Variants in ADGRL3 observed in about 807,000 individuals in gnomAD.
The protein encoded by ADGRL3 is adhesion G protein-coupled receptor L3.
A neutral mutation model predicts 153.5 loss-of-function variants in ADGRL3; 62 were observed. That is an observed-to-expected ratio of 0.40 (90% CI 0.33 to 0.50). ADGRL3 has a LOEUF of 0.50. ADGRL3 is among the 20% of genes least tolerant of loss of function. The probability of loss-of-function intolerance (pLI) is 0.47; values close to 1 mark genes in which losing one functional copy is unlikely to be tolerated. For missense variants in ADGRL3, 1,641 were observed against 1,859.4 expected, an observed-to-expected ratio of 0.88 and a Z score of 2.16; for synonymous variants, 710 against 672.5, an observed-to-expected ratio of 1.06 and a Z score of -0.86.
At chr4:61,871,579 A>T (rs2098445856) in intron 9 of ADGRL3, among the ~76,000 whole-genome samples, 1 of 152,180 alleles carries the variant, frequency 6.6e-6, no homozygotes, top group Non-Finnish European at 1.5e-5. Flanking sequence ...ATCCATAAAG[A>T]TAGAAAGTAG....
At chr4:61,813,696 A>T in intron 8 of ADGRL3, 113 bp from the exon 9 acceptor site, 3 of 1,258,510 alleles carry the variant, frequency 2.4e-6, no homozygotes, top group Non-Finnish European at 3.3e-6. Context: ...CTACTCTTTA[A>T]TTTAGGCTAT....
intron 5 of ADGRL3, among the ~76,000 whole-genome samples, chr4:61,641,819 G>A (rs2093689836): frequency 6.7e-6 from 1 of 149,364 alleles, no homozygotes; most frequent in East Asian, 2.0e-4. Flanking sequence ...GGATGGCTGG[G>A]ACAAATGGTA....
At chr4:61,506,106 C>T (rs2098426513) in intron 3 of ADGRL3, among the ~76,000 whole-genome samples, 2 of 152,028 alleles carry the variant, frequency 1.3e-5, no homozygotes, top group South Asian at 4.2e-4. Context: ...AGTTCTATTA[C>T]TTCCAAGATA....
intron 25 of ADGRL3, among the ~76,000 whole-genome samples, chr4:62,055,463 G>A (rs1208687004): frequency 1.3e-5 from 2 of 151,736 alleles, no homozygotes; most frequent in Middle Eastern, 3.2e-3. Flanking sequence ...GCTATTAAAA[G>A]TGCACAGTGT....
chr4:61,973,577 C>T (rs572656665), intron 17 of ADGRL3, among the ~76,000 whole-genome samples: 2 of 152,180 alleles, frequency 1.3e-5, no homozygotes, highest in South Asian at 4.1e-4. Context: ...TAGATTCATT[C>T]AATTTTCTGA....
At chr4:61,619,352 A>G (rs2092322850) in intron 5 of ADGRL3, among the ~76,000 whole-genome samples, 1 of 151,986 alleles carries the variant, frequency 6.6e-6, no homozygotes, top group Non-Finnish European at 1.5e-5. Flanking sequence ...TCTAGTTTTA[A>G]TTTATCAACT....
intron 9 of ADGRL3, among the ~76,000 whole-genome samples, chr4:61,828,691 T>A (rs1294015207): frequency 6.6e-6 from 1 of 152,228 alleles, no homozygotes; most frequent in Non-Finnish European, 1.5e-5. Context: ...CTTCATTTTG[T>A]ACTTTATTGA....
intron 1 of ADGRL3, among the ~76,000 whole-genome samples, chr4:61,260,728 T>G (rs9995267): frequency 6.7e-6 from 1 of 148,702 alleles, no homozygotes; most frequent in Middle Eastern, 3.6e-3. Flanking sequence ...CTTTAAAAAA[T>G]TTTTTTTATT....
intron 4 of ADGRL3, among the ~76,000 whole-genome samples, chr4:61,574,062 G>A (rs2098850782): frequency 6.6e-6 from 1 of 151,844 alleles, no homozygotes; most frequent in Non-Finnish European, 1.5e-5. Context: ...CAAACCAAAA[G>A]GCCTTTGTCA....
At position 61,788,483 on chromosome 4, in the gene ADGRL3, A is replaced by C. The variant is rs575927589; in HGVS notation, c.1400-25326A>C. On this transcript the variant is annotated intron_variant, in intron 8 of 26. Coordinates refer to ENST00000683033, the MANE Select transcript of ADGRL3 (RefSeq NM_001387552.1). ...AGGAAGCCCCATCCCTAGTGGAAGG[A>C]GGAGAGCACCACATCAAGGGATCAC... Among the ~76,000 whole-genome samples, 160 of 152,312 alleles carry C rather than the reference A, an allele frequency of 1.1e-3. 3 individuals carry two copies. The highest frequency in any genetic ancestry group is 0.01 in the Middle Eastern group (3 of 294).
At position 61,329,597 on chromosome 4, in the gene ADGRL3, A is replaced by G. The variant is rs114706237; in HGVS notation, c.-239-53527A>G. ...AATAAATTTTGTTAAATTGTTCTCT[A>G]TCTTTCCAGATATCTTTCTGTGGTG... On this transcript the variant is annotated intron_variant, in intron 1 of 26. Coordinates refer to ENST00000683033, the MANE Select transcript of ADGRL3 (RefSeq NM_001387552.1). Among the ~76,000 whole-genome samples, 760 of 152,318 alleles carry G rather than the reference A, an allele frequency of 5.0e-3. 4 individuals are homozygous for G. Among genetic ancestry groups the G allele is most frequent in the African/African-American group, 0.017 (689 of 41,584 alleles).
At chr4:61,725,837 G>A (rs1288609291) in intron 6 of ADGRL3, among the ~76,000 whole-genome samples, 1 of 152,094 alleles carries the variant, frequency 6.6e-6, no homozygotes, top group African/African-American at 2.4e-5. Flanking sequence ...TATGGTATTA[G>A]ACAAACGGCA....
chr4:61,253,974 T>A (rs890913918), intron 1 of ADGRL3, among the ~76,000 whole-genome samples: 1 of 152,194 alleles, frequency 6.6e-6, no homozygotes, highest in South Asian at 2.1e-4. Flanking sequence ...TCCACCTATA[T>A]GATTTTTGGC....
At chr4:61,524,422 AT>A (rs548232906) in intron 4 of ADGRL3, among the ~76,000 whole-genome samples, 1 of 151,752 alleles carries the variant, frequency 6.6e-6, no homozygotes, top group Non-Finnish European at 1.5e-5. Context: ...TAAATTGATG[AT>A]TTTTTTTCTA....
intron 1 of ADGRL3, among the ~76,000 whole-genome samples, chr4:61,258,833 TAAAC>T (rs1240372485): frequency 6.6e-6 from 1 of 152,112 alleles, no homozygotes; most frequent in South Asian, 2.1e-4. Flanking sequence ...ATCACAAAAA[TAAAC>T]AAAATAACCT....
intron 1 of ADGRL3, among the ~76,000 whole-genome samples, chr4:61,208,999 A>G (rs1560356545): frequency 6.6e-6 from 1 of 152,268 alleles, no homozygotes; most frequent in Non-Finnish European, 1.5e-5. Context: ...TAATTGGAGA[A>G]CTGTGTAATA....
intron 5 of ADGRL3, among the ~76,000 whole-genome samples, chr4:61,635,053 A>G (rs2093356604): frequency 6.6e-6 from 1 of 152,124 alleles, no homozygotes. Flanking sequence ...TACTGAGTCT[A>G]CTGTAGTCTC....
chr4:61,685,163 C>G (rs1219647298), intron 6 of ADGRL3, among the ~76,000 whole-genome samples: 1 of 151,970 alleles, frequency 6.6e-6, no homozygotes, highest in African/African-American at 2.4e-5. Context: ...AGAGATCCAC[C>G]CACCTCGGCC....
chr4:61,656,966 C>T (rs922229486), intron 5 of ADGRL3, among the ~76,000 whole-genome samples: 4 of 152,112 alleles, frequency 2.6e-5, no homozygotes, highest in Non-Finnish European at 4.4e-5. Context: ...ATTCCTTTCC[C>T]CTTGCAAAAG....
Sources: allele counts gnomAD v4.1 joint callset (sites outside exome capture counted in the v4.1 genomes callset), GRCh38; gene constraint gnomAD v4.1.1; transcripts MANE v1.5; gene names NCBI Gene and HGNC (gene_info 2026-07-23, HGNC 2026-07-21).